The following THUMPD2 variants were observed in gnomAD, a reference collection of about 807,000 sequenced individuals.
THUMPD2 encodes the protein U6 snRNA (guanine-N(2))-methyltransferase THUMPD2.
Under a neutral mutation model 49.4 loss-of-function variants are expected in THUMPD2, and 56 were observed. The observed-to-expected ratio is 1.13, with a 90% CI of 0.91 to 1.41. THUMPD2 has a LOEUF of 1.41. THUMPD2 is among the 40% of genes most tolerant of loss of function. The pLI is 0.00. For synonymous variants in THUMPD2, 237 were observed against 205.2 expected, an observed-to-expected ratio of 1.15 and a Z score of -1.32; for missense variants, 709 against 594.5, an observed-to-expected ratio of 1.19 and a Z score of -2.00.
intron 5 of THUMPD2, among the ~76,000 whole-genome samples, chr2:39,762,425 C>CT (rs745755468): frequency 1.3e-5 from 2 of 152,168 alleles, no homozygotes; most frequent in Non-Finnish European, 2.9e-5. Flanking sequence ...TTGCAAGCCT[C>CT]TTAAAATCTT....
chr2:39,744,678 T>C, intron 8 of THUMPD2, 200 bp from the exon 9 acceptor site: 1 of 362,710 alleles, frequency 2.8e-6, no homozygotes, highest in Non-Finnish European at 4.9e-6. Flanking sequence ...TGTATTCTGT[T>C]CGTTGAAAAT....
At chr2:39,775,620 C>CA (rs1284813595) in intron 1 of THUMPD2, among the ~76,000 whole-genome samples, 1 of 151,696 alleles carries the variant, frequency 6.6e-6, no homozygotes, top group Non-Finnish European at 1.5e-5. Flanking sequence ...ACTATAGATA[C>CA]AAAAATTAGC....
At chr2:39,771,768 G>A in intron 1 of THUMPD2, 128 bp from the exon 2 acceptor site, 1 of 972,302 alleles carries the variant, frequency 1.0e-6, no homozygotes, top group East Asian at 2.7e-5. Context: ...TATTTGTCAG[G>A]CTCTGTACTA....
chr2:39,745,067 T>C (rs1674390349), intron 8 of THUMPD2, among the ~76,000 whole-genome samples: 1 of 152,170 alleles, frequency 6.6e-6, no homozygotes, highest in Non-Finnish European at 1.5e-5. Context: ...TTCTCAGAAG[T>C]TACGTTATCA....
intron 8 of THUMPD2, among the ~76,000 whole-genome samples, chr2:39,748,397 G>A (rs1413081146): frequency 2.6e-5 from 4 of 152,152 alleles, no homozygotes; most frequent in Non-Finnish European, 5.9e-5. Flanking sequence ...CAGTTCATCT[G>A]TTCTGTGTAT....
intron 8 of THUMPD2, among the ~76,000 whole-genome samples, chr2:39,754,385 G>T (rs191839528): frequency 6.6e-6 from 1 of 152,046 alleles, no homozygotes; most frequent in East Asian, 1.9e-4. Flanking sequence ...CTTCTTTGGG[G>T]ATGCTTTATT....
chr2:39,773,643 T>TATTTATATTTTAAAAATATATA (rs1678673632), intron 1 of THUMPD2, among the ~76,000 whole-genome samples: 1 of 141,138 alleles, frequency 7.1e-6, no homozygotes. Context: ...AATATATATA[T>TATTTATATTTTAAAAATATATA]TTCCCCCTGG....
chr2:39,767,411 C>T (rs867865493), intron 4 of THUMPD2, among the ~76,000 whole-genome samples: 5 of 150,590 alleles, frequency 3.3e-5, no homozygotes, highest in Non-Finnish European at 5.9e-5. Context: ...GAGACCATCC[C>T]GGCTAAAACG....
At chr2:39,756,579 C>G in intron 6 of THUMPD2, among the ~76,000 whole-genome samples, 1 of 151,610 alleles carries the variant, frequency 6.6e-6, no homozygotes, top group East Asian at 1.9e-4. Context: ...CGGGTCTGGT[C>G]AAATGACTGG....
rs1673076991 is a variant in THUMPD2 at position 39,736,347 on chromosome 2, C to T, written c.*388G>A. On this transcript the variant is annotated 3_prime_UTR_variant, in exon 10 of 10. Transcript: ENST00000505747. ...AAGTTTAATATCAAAAGAAGTTACACATAAAGGTTTTTACATTTCCGAAAA... is the reference window on the plus strand; with the variant it reads ...AAGTTTAATATCAAAAGAAGTTACATATAAAGGTTTTTACATTTCCGAAAA... The T allele has an allele frequency of 6.3e-6, 1 of 158,606 alleles. No homozygotes were observed. The highest frequency in any genetic ancestry group is 6.4e-5 in the Admixed American group (1 of 15,708). 9.8% of individuals were successfully genotyped at this position (158,606 alleles called of 1,614,324 possible).
At chr2:39,760,506 A>G (rs1380490814) in intron 6 of THUMPD2, among the ~76,000 whole-genome samples, 1 of 152,206 alleles carries the variant, frequency 6.6e-6, no homozygotes, top group Non-Finnish European at 1.5e-5. Flanking sequence ...ACAAAGTGTG[A>G]GAAGTTATGA....
At chr2:39,774,371 T>C (rs1365357457) in intron 1 of THUMPD2, among the ~76,000 whole-genome samples, 2 of 152,242 alleles carry the variant, frequency 1.3e-5, no homozygotes, top group African/African-American at 4.8e-5. Flanking sequence ...ATTTAGAAGT[T>C]TGTGAAATTT....
At chr2:39,776,046 C>A (rs1437102561) in intron 1 of THUMPD2, among the ~76,000 whole-genome samples, 1 of 152,074 alleles carries the variant, frequency 6.6e-6, no homozygotes, top group East Asian at 1.9e-4. Flanking sequence ...TTAGAGATAT[C>A]TCTACAACAT....
chr2:39,769,243 G>A (rs1011033250), intron 3 of THUMPD2: 11 of 368,778 alleles, frequency 3.0e-5, no homozygotes, highest in Non-Finnish European at 5.1e-5. Flanking sequence ...GTCATTACTT[G>A]GAATGGCATA....
chr2:39,736,889 G>C lies in THUMPD2; in HGVS notation c.1358C>G (p.Thr453Arg). ...ACTGGCTTCGAATGAAGTTGACGCTGTCTTGAATGCACCAGTTTTTTCTTC... is the reference window on the plus strand; with the variant it reads ...ACTGGCTTCGAATGAAGTTGACGCTCTCTTGAATGCACCAGTTTTTTCTTC... ...NPEEKTGAFK[T>R]ASTSFEASNH... The change falls in exon 10 of 10, where the codon ACA (threonine) becomes AGA (arginine). Residue 453 changes from threonine to arginine, a missense_variant. By Grantham distance (71) the Thr-to-Arg change is moderately conservative. Transcript: ENST00000505747. 2 of 1,614,198 alleles carry C rather than the reference G, an allele frequency of 1.2e-6. No individual in the cohort carries two copies. The highest frequency in any genetic ancestry group is 1.7e-6 in the Non-Finnish European group (2 of 1,180,028).
chr2:39,768,611 A>G (rs1314379069), intron 3 of THUMPD2, 110 bp from the exon 4 acceptor site: 4 of 888,574 alleles, frequency 4.5e-6, no homozygotes, highest in Non-Finnish European at 7.0e-6. Context: ...AGGCTATCTG[A>G]TGGTAATTTA....
At chr2:39,758,150 G>C (rs1676376681) in intron 6 of THUMPD2, among the ~76,000 whole-genome samples, 1 of 152,016 alleles carries the variant, frequency 6.6e-6, no homozygotes, top group Non-Finnish European at 1.5e-5. Flanking sequence ...TTAAAACAAA[G>C]GTAACATTTC....
chr2:39,767,122 A>AT (rs1677628749), intron 4 of THUMPD2, among the ~76,000 whole-genome samples: 1 of 152,188 alleles, frequency 6.6e-6, no homozygotes, highest in Admixed American at 6.5e-5. Flanking sequence ...ACTACGTGTG[A>AT]TTTTTGTGTT....
intron 9 of THUMPD2, among the ~76,000 whole-genome samples, chr2:39,741,898 T>A (rs1403639943): frequency 6.6e-6 from 1 of 152,092 alleles, no homozygotes; most frequent in Non-Finnish European, 1.5e-5. Context: ...TTTAAATATA[T>A]CCTCACACAC....
Sources: allele counts gnomAD v4.1 joint callset (sites outside exome capture counted in the v4.1 genomes callset), GRCh38; gene constraint gnomAD v4.1.1; transcripts MANE v1.5; gene names NCBI Gene and HGNC (gene_info 2026-07-23, HGNC 2026-07-21).